Variants in CIROZ observed in about 807,000 individuals in gnomAD.
CIROZ encodes ciliated left-right organizer ZP-N domains-containing protein.
At chr1:10,957,440 G>A in the CIROZ span, 1 of 882,776 alleles carries the variant, frequency 1.1e-6, no homozygotes. Flanking sequence ...CCCCTCATCT[G>A]CAGAGCGGAG....
At chr1:10,974,636 A>T in the CIROZ span, among the ~76,000 whole-genome samples, 1 of 152,136 alleles carries the variant, frequency 6.6e-6, no homozygotes, top group African/African-American at 2.4e-5. This position sits in a 1 kb window ranked among gnomAD's most constrained non-coding sequence, Gnocchi z 4.4. Context: ...TTCTTCCTGG[A>T]CACAGGACAA....
chr1:10,953,781 C>T, the CIROZ span, among the ~76,000 whole-genome samples: 4 of 152,192 alleles, frequency 2.6e-5, no homozygotes. Context: ...CCCTTGTCCC[C>T]TCCCTGGCAG....
the CIROZ span, chr1:10,954,108 T>C: frequency 6.2e-7 from 1 of 1,613,390 alleles, no homozygotes; most frequent in Non-Finnish European, 8.5e-7. Context: ...ATAGAAAGCT[T>C]GTGTTCCCGG....
At chr1:10,951,745 A>AAAAAATATATATATATATATAT in the CIROZ span, among the ~76,000 whole-genome samples, 4 of 119,196 alleles carry the variant, frequency 3.4e-5, no homozygotes, top group African/African-American at 1.4e-4. Flanking sequence ...AAAAAAAAAA[A>AAAAAATATATATATATATATAT]ATATATATAT....
At chr1:10,957,822 G>C in the CIROZ span, 1 of 1,527,568 alleles carries the variant, frequency 6.5e-7, no homozygotes, top group Non-Finnish European at 8.9e-7. Flanking sequence ...TTACGGAGAG[G>C]GGACACTTGA....
the CIROZ span, among the ~76,000 whole-genome samples, chr1:10,975,995 G>A: frequency 6.6e-6 from 1 of 152,156 alleles, no homozygotes; most frequent in African/African-American, 2.4e-5. Flanking sequence ...CCGCTTCCTT[G>A]TTGGGAGAAT....
At chr1:10,967,950 G>A in the CIROZ span, among the ~76,000 whole-genome samples, 2 of 152,208 alleles carry the variant, frequency 1.3e-5, no homozygotes, top group East Asian at 3.9e-4. Flanking sequence ...CTCCAGCCTG[G>A]GCAACAAAGT....
At chr1:10,951,745 A>AAAT in the CIROZ span, among the ~76,000 whole-genome samples, 133 of 119,180 alleles carry the variant, frequency 1.1e-3, 1 homozygote, top group Middle Eastern at 8.5e-3. Flanking sequence ...AAAAAAAAAA[A>AAAT]ATATATATAT....
the CIROZ span, among the ~76,000 whole-genome samples, chr1:10,975,021 C>T: frequency 7.9e-5 from 12 of 152,206 alleles, no homozygotes; most frequent in Non-Finnish European, 1.0e-4. Flanking sequence ...CCTGTCATCC[C>T]AGCACTTTGG....
At chr1:10,954,445 C>G in the CIROZ span, among the ~76,000 whole-genome samples, 1 of 138,198 alleles carries the variant, frequency 7.2e-6, no homozygotes, top group Non-Finnish European at 1.5e-5. Context: ...CAGAGCGAGA[C>G]TCTGTCTCAA....
At chr1:10,976,904 C>T in the CIROZ span, among the ~76,000 whole-genome samples, 3 of 152,196 alleles carry the variant, frequency 2.0e-5, no homozygotes, top group East Asian at 5.8e-4. Flanking sequence ...AGCTGTAATC[C>T]CAACACTTTG....
the CIROZ span, chr1:10,957,821 G>C: frequency 3.1e-5 from 47 of 1,527,184 alleles, no homozygotes; most frequent in Non-Finnish European, 4.1e-5. Context: ...GTTACGGAGA[G>C]GGGACACTTG....
the CIROZ span, among the ~76,000 whole-genome samples, chr1:10,965,817 C>T: frequency 1.4e-5 from 2 of 147,684 alleles, no homozygotes; most frequent in Admixed American, 6.8e-5. Context: ...AGCGAGCCTC[C>T]GTCAAAAAAA....
At chr1:10,969,177 A>T in the CIROZ span, among the ~76,000 whole-genome samples, 1 of 152,020 alleles carries the variant, frequency 6.6e-6, no homozygotes, top group Non-Finnish European at 1.5e-5. Context: ...GAGATTGGAA[A>T]GCCTCCCTCC....
the CIROZ span, chr1:10,955,017 A>T: frequency 1.9e-6 from 3 of 1,607,412 alleles, no homozygotes; most frequent in African/African-American, 4.0e-5. Flanking sequence ...CGGCCGCCGG[A>T]ATGCTGACCA....
the CIROZ span, chr1:10,953,938 A>G: frequency 6.0e-6 from 9 of 1,493,378 alleles, no homozygotes; most frequent in South Asian, 1.2e-4. Flanking sequence ...CACAGAAGAA[A>G]GAACCCCAGG....
chr1:10,973,435 C>T, the CIROZ span, among the ~76,000 whole-genome samples: 1 of 152,158 alleles, frequency 6.6e-6, no homozygotes, highest in Non-Finnish European at 1.5e-5. Context: ...GGTAGTCAGC[C>T]ATGGCTATGC....
At chr1:10,955,200 G>T in the CIROZ span, 5 of 1,584,102 alleles carry the variant, frequency 3.2e-6, no homozygotes, top group Non-Finnish European at 8.6e-7. Flanking sequence ...GAATGGGAAG[G>T]ACACAGGACA....
chr1:10,948,353 G>GT, the CIROZ span: 1 of 1,613,590 alleles, frequency 6.2e-7, no homozygotes, highest in Non-Finnish European at 8.5e-7. Flanking sequence ...TGGCCCGCCA[G>GT]GGCCTCGCCA....
Sources: allele counts gnomAD v4.1 joint callset (sites outside exome capture counted in the v4.1 genomes callset), GRCh38; gene constraint gnomAD v4.1.1; non-coding constraint Gnocchi (gnomAD v3.1); transcripts MANE v1.5; gene names NCBI Gene and HGNC (gene_info 2026-07-23, HGNC 2026-07-21).